TRPM3: variants seen among roughly 807,000 people sequenced by gnomAD.
The protein encoded by TRPM3 is transient receptor potential cation channel subfamily M member 3, also known as long transient receptor potential channel 3.
A neutral mutation model predicts 181.2 loss-of-function variants in TRPM3; 77 were observed. The ratio of observed to expected loss-of-function variants is 0.42; its 90% confidence interval spans 0.35 to 0.51. The LOEUF (loss-of-function observed/expected upper bound fraction) is 0.51. Ranked by LOEUF, TRPM3 falls within the 20% of genes least tolerant of loss-of-function variation. The pLI, the probability that TRPM3 is intolerant of heterozygous loss-of-function variation, is 0.01. For missense variants in TRPM3, 1,759 were observed against 2,196.7 expected (o/e 0.80, Z 3.98); for synonymous variants, 745 against 796.4 (o/e 0.94, Z 1.09).
At chr9:71,167,054 C>T (rs770015130) in intron 1 of TRPM3, among the ~76,000 whole-genome samples, 2 of 151,732 alleles carry the variant, frequency 1.3e-5, no homozygotes, top group Non-Finnish European at 2.9e-5. Flanking sequence ...CATTTTTGTA[C>T]AAAAACAAAC....
intron 1 of TRPM3, among the ~76,000 whole-genome samples, chr9:70,867,644 A>G (rs2095678692): frequency 6.6e-6 from 1 of 152,062 alleles, no homozygotes; most frequent in South Asian, 2.1e-4. Context: ...ATCATTCATG[A>G]TTAAATTGGA....
chr9:70,591,819 C>T (rs1035432330), intron 21 of TRPM3, among the ~76,000 whole-genome samples: 2 of 152,182 alleles, frequency 1.3e-5, no homozygotes, highest in African/African-American at 4.8e-5. Flanking sequence ...GCATAGTATT[C>T]TACCACCAAC....
intron 1 of TRPM3, among the ~76,000 whole-genome samples, chr9:71,078,099 G>C (rs2063725890): frequency 6.6e-6 from 1 of 151,932 alleles, no homozygotes; most frequent in Non-Finnish European, 1.5e-5. Flanking sequence ...ACATACTTGG[G>C]AGGAATTTTT....
intron 1 of TRPM3, among the ~76,000 whole-genome samples, chr9:70,951,039 T>C (rs908061017): frequency 6.6e-6 from 1 of 152,120 alleles, no homozygotes; most frequent in Non-Finnish European, 1.5e-5. Flanking sequence ...CAAGTAACTC[T>C]AAATCTGCAA....
At chr9:70,980,180 T>C (rs1290544899) in intron 1 of TRPM3, among the ~76,000 whole-genome samples, 2 of 151,908 alleles carry the variant, frequency 1.3e-5, no homozygotes. Flanking sequence ...GAGTCAGGCG[T>C]TGTGGTGCCA....
At chr9:71,183,098 G>A (rs1447248432) in intron 1 of TRPM3, among the ~76,000 whole-genome samples, 1 of 152,164 alleles carries the variant, frequency 6.6e-6, no homozygotes, top group Non-Finnish European at 1.5e-5. Context: ...GTAGTAAATA[G>A]TCAGGGCTTT....
At chr9:71,415,163 G>A (rs1396460679) in intron 1 of TRPM3, among the ~76,000 whole-genome samples, 4 of 152,052 alleles carry the variant, frequency 2.6e-5, no homozygotes, top group Non-Finnish European at 5.9e-5. Flanking sequence ...GCGGCTACAA[G>A]CCAAAGAATG....
At chr9:71,190,074 G>A (rs1450891142) in intron 1 of TRPM3, among the ~76,000 whole-genome samples, 1 of 151,852 alleles carries the variant, frequency 6.6e-6, no homozygotes, top group Non-Finnish European at 1.5e-5. Flanking sequence ...CCAATGGCCA[G>A]AGATGTGGAG....
At chr9:70,577,499 G>C (rs1379842741) in intron 22 of TRPM3, among the ~76,000 whole-genome samples, 3 of 152,210 alleles carry the variant, frequency 2.0e-5, no homozygotes, top group Admixed American at 6.5e-5. Context: ...CCTGGTGCCA[G>C]CCACTGTAAT....
At chr9:71,107,584 T>C (rs879253403) in intron 1 of TRPM3, among the ~76,000 whole-genome samples, 4 of 152,188 alleles carry the variant, frequency 2.6e-5, no homozygotes, top group Admixed American at 2.0e-4. Flanking sequence ...CACTTAGCAA[T>C]AGATGATTGT....
intron 6 of TRPM3, among the ~76,000 whole-genome samples, chr9:70,814,693 G>A (rs1021782463): frequency 2.0e-5 from 3 of 151,956 alleles, no homozygotes; most frequent in Admixed American, 6.6e-5. Context: ...AAGGAGAAGC[G>A]GATTGCCAGA....
chr9:71,145,731 C>T (rs535750414), intron 1 of TRPM3, among the ~76,000 whole-genome samples: 1 of 152,078 alleles, frequency 6.6e-6, no homozygotes, highest in South Asian at 2.1e-4. Flanking sequence ...TGTCTGAAAA[C>T]ATGGGAGTAA....
chr9:70,887,948 T>C (rs2096119828), intron 1 of TRPM3, among the ~76,000 whole-genome samples: 1 of 152,214 alleles, frequency 6.6e-6, no homozygotes, highest in Non-Finnish European at 1.5e-5. Context: ...ATGCCCTAAT[T>C]GGTCAACTGG....
chr9:71,318,996 A>G (rs1478377196), intron 1 of TRPM3, among the ~76,000 whole-genome samples: 2 of 30,988 alleles, frequency 6.5e-5, no homozygotes, highest in East Asian at 3.4e-3. Flanking sequence ...CATTTTCTAA[A>G]ATATTATGTA....
chr9:71,435,827 C>T (rs916224263), intron 1 of TRPM3, among the ~76,000 whole-genome samples: 4 of 152,116 alleles, frequency 2.6e-5, no homozygotes, highest in Admixed American at 6.6e-5. Context: ...TTCAATTACC[C>T]AGGTGGGCCC....
intron 1 of TRPM3, among the ~76,000 whole-genome samples, chr9:71,267,058 T>C (rs1479957079): frequency 6.6e-6 from 1 of 152,108 alleles, no homozygotes; most frequent in Non-Finnish European, 1.5e-5. Context: ...CTGTTAGTCA[T>C]CTATGGCAAA....
chr9:71,157,133 G>T (rs906889654), intron 1 of TRPM3, among the ~76,000 whole-genome samples: 2 of 152,080 alleles, frequency 1.3e-5, no homozygotes, highest in Admixed American at 1.3e-4. Context: ...TAGAGTCTAG[G>T]TTTATTTTCC....
intron 9 of TRPM3, among the ~76,000 whole-genome samples, chr9:70,659,808 T>G (rs1433688438): frequency 6.6e-6 from 1 of 152,184 alleles, no homozygotes; most frequent in Non-Finnish European, 1.5e-5. Flanking sequence ...AAGCTGTGCT[T>G]TCATAAAGCC....
intron 1 of TRPM3, among the ~76,000 whole-genome samples, chr9:71,444,212 C>A (rs73472669): frequency 6.6e-6 from 1 of 151,350 alleles, no homozygotes; most frequent in African/African-American, 2.4e-5. Flanking sequence ...ACAATCATTC[C>A]CCTTGAGGAC....
Sources: gnomAD v4.1 joint callset for allele counts (sites outside exome capture counted in the v4.1 genomes callset) on GRCh38, gnomAD v4.1.1 for gene constraint, MANE v1.5 for transcripts, NCBI Gene and HGNC (gene_info 2026-07-23, HGNC 2026-07-21) for gene names.